The following ACLY variants were observed in gnomAD, a reference collection of about 807,000 sequenced individuals.
The protein encoded by ACLY is ATP-citrate synthase.
In ACLY, 41 loss-of-function variants were observed where a neutral mutation model predicts 133.0. The observed-to-expected ratio is 0.31, with a 90% CI of 0.24 to 0.40. The LOEUF is 0.40. Among genes scored for constraint, ACLY ranks in the 10% least tolerant of loss-of-function variants. The pLI is 1.00. For missense variants in ACLY, 1,046 were observed against 1,453.8 expected, an observed-to-expected ratio of 0.72 and a Z score of 4.56; for synonymous variants, 495 against 549.3, an observed-to-expected ratio of 0.90 and a Z score of 1.38.
intron 1 of ACLY, among the ~76,000 whole-genome samples, chr17:41,924,956 C>T (rs781886990): frequency 2.6e-5 from 4 of 152,162 alleles, no homozygotes; most frequent in Non-Finnish European, 5.9e-5. Context: ...ACCTGTGCAG[C>T]CCCTCCCACA....
intron 5 of ACLY, 40 bp from the exon 6 acceptor site, chr17:41,909,108 G>A (rs1351634753): frequency 3.9e-6 from 6 of 1,534,532 alleles, no homozygotes; most frequent in Non-Finnish European, 5.4e-6. Flanking sequence ...CATCCATCAG[G>A]GAGCAGCTCG....
intron 22 of ACLY, 92 bp downstream of exon 22, chr17:41,878,011 C>G: frequency 2.5e-6 from 2 of 789,610 alleles, no homozygotes; most frequent in Non-Finnish European, 3.6e-6. Flanking sequence ...GGCCTGGTTT[C>G]CAAGAGTTCA....
chr17:41,882,875 C>T (rs1326222097), intron 20 of ACLY, among the ~76,000 whole-genome samples: 1 of 152,188 alleles, frequency 6.6e-6, no homozygotes, highest in Non-Finnish European at 1.5e-5. Flanking sequence ...CAGCTGGTTG[C>T]TACCTACGCC....
intron 3 of ACLY, 27 bp from the exon 4 acceptor site, chr17:41,910,311 C>G: frequency 1.2e-6 from 2 of 1,606,406 alleles, no homozygotes; most frequent in Non-Finnish European, 1.7e-6. Context: ...GGAGATGAAA[C>G]TCAGAGGGAC....
At chr17:41,907,714 G>A in intron 6 of ACLY, 142 bp from the exon 7 acceptor site, 1 of 921,456 alleles carries the variant, frequency 1.1e-6, no homozygotes, top group East Asian at 2.7e-5. Flanking sequence ...AACCAGAGAG[G>A]CCCTTATGGA....
At chr17:41,921,566 G>A (rs1427177209), upstream of ACLY, among the ~76,000 whole-genome samples, 1 of 151,980 alleles carries the variant, frequency 6.6e-6, no homozygotes, top group Non-Finnish European at 1.5e-5. Context: ...CAGGTGCATA[G>A]GCTCAGGCCT....
intron 15 of ACLY, 121 bp from the exon 16 acceptor site, chr17:41,892,568 T>C (rs1327427745): frequency 6.9e-6 from 6 of 870,772 alleles, no homozygotes; most frequent in Non-Finnish European, 1.1e-5. Flanking sequence ...CCTCAAAGAA[T>C]TTTCATCTAA....
chr17:41,883,099 G>A, intron 20 of ACLY, 23 bp downstream of exon 20: 1 of 1,601,630 alleles, frequency 6.2e-7, no homozygotes, highest in South Asian at 1.1e-5. Context: ...TCCCAGCCCA[G>A]AAGTGACCCA....
At chr17:41,905,874 G>A (rs1461137875) in intron 8 of ACLY, among the ~76,000 whole-genome samples, 1 of 152,226 alleles carries the variant, frequency 6.6e-6, no homozygotes, top group East Asian at 1.9e-4. Flanking sequence ...CCAGCCCTAA[G>A]GCACTGGGGA....
At chr17:41,873,769 C>G (rs1479900687) in intron 23 of ACLY, 42 bp downstream of exon 23, 1 of 1,499,790 alleles carries the variant, frequency 6.7e-7, no homozygotes, top group Non-Finnish European at 8.9e-7. Context: ...ATCATTAACT[C>G]TGAGCTGCAG....
At chr17:41,917,188 C>G (rs895156987) in intron 1 of ACLY, among the ~76,000 whole-genome samples, 29 of 150,714 alleles carry the variant, frequency 1.9e-4, no homozygotes, top group Non-Finnish European at 4.0e-4. Context: ...CAGCAAATAC[C>G]TACAAATACC....
At chr17:41,903,252 T>A (rs1567906521) in intron 10 of ACLY, among the ~76,000 whole-genome samples, 1 of 152,130 alleles carries the variant, frequency 6.6e-6, no homozygotes, top group African/African-American at 2.4e-5. Flanking sequence ...TGGGTGGCTA[T>A]CTTGAAAGGG....
chr17:41,885,119 ATCC>A (rs1159195715), intron 18 of ACLY, among the ~76,000 whole-genome samples: 1 of 152,100 alleles, frequency 6.6e-6, no homozygotes, highest in Non-Finnish European at 1.5e-5. Flanking sequence ...GGCTGAAACA[ATCC>A]TCCTCCCTCA....
chr17:41,908,635 G>T (rs2049798265), intron 6 of ACLY, among the ~76,000 whole-genome samples: 1 of 152,196 alleles, frequency 6.6e-6, no homozygotes, highest in African/African-American at 2.4e-5. Context: ...GTGGTGGCGG[G>T]CACCTGTAAT....
At chr17:41,923,516 G>GC (rs2050206270), upstream of ACLY, among the ~76,000 whole-genome samples, 1 of 152,188 alleles carries the variant, frequency 6.6e-6, no homozygotes, top group Non-Finnish European at 1.5e-5. Flanking sequence ...CCTTGGGCCT[G>GC]TACCCTGCAA....
intron 26 of ACLY, 135 bp from the exon 27 acceptor site, chr17:41,869,260 G>A (rs782711963): frequency 3.4e-6 from 3 of 894,162 alleles, no homozygotes; most frequent in Non-Finnish European, 5.3e-6. Flanking sequence ...GGTCGACACT[G>A]TGTCTGACTC....
At position 41,918,930 on chromosome 17, in the gene ACLY, G is replaced by A. The variant is rs868967698; in HGVS notation, c.-74C>T. ...TTCTTCCACAGGCCCGACGAACCCC[G>A]CAAAATCCGGAGCACCCCAGCAGCC... On this transcript the variant is annotated 5_prime_UTR_variant, in exon 1 of 29. Coordinates refer to ENST00000352035, the MANE Select transcript of ACLY (RefSeq NM_001096.3). The A allele has an allele frequency of 4.7e-6, 6 of 1,288,968 alleles. No homozygotes were observed. The Admixed American group carries it at 6.9e-5, about 15-fold the overall frequency. 79.8% of individuals were successfully genotyped at this position (1,288,968 alleles called of 1,614,324 possible). A position where few individuals can be genotyped will look rare whatever the true frequency, so the allele number is the denominator to read the frequency against.
At position 41,892,450 on chromosome 17, in the gene ACLY, G is replaced by A; in HGVS notation, c.1602-3C>T. 2 of 1,612,666 alleles carry A rather than the reference G, an allele frequency of 1.2e-6. No individual in the cohort carries two copies. Among genetic ancestry groups the A allele is most frequent in the Non-Finnish European group, 1.7e-6 (2 of 1,179,258 alleles). ...AAAACTTCTGCTTGTGGTCCCCACT[G>A]TGAGAAAGTAAAAGAAGAATTAGGA... On this transcript the variant is annotated splice_region_variant and splice_polypyrimidine_tract_variant and intron_variant, in intron 15 of 28. Coordinates refer to ENST00000352035, the MANE Select transcript of ACLY (RefSeq NM_001096.3).
chr17:41,918,051 GCAC>G (rs1332794493), intron 1 of ACLY, among the ~76,000 whole-genome samples: 4 of 152,198 alleles, frequency 2.6e-5, no homozygotes, highest in African/African-American at 9.6e-5. Context: ...GCAGAACTCG[GCAC>G]TGCACGGTAT....
Sources: allele counts gnomAD v4.1 joint callset (sites outside exome capture counted in the v4.1 genomes callset), GRCh38; gene constraint gnomAD v4.1.1; transcripts MANE v1.5; gene names NCBI Gene and HGNC (gene_info 2026-07-23, HGNC 2026-07-21).